ZEB1: variants seen among roughly 807,000 people sequenced by gnomAD.
ZEB1 encodes the protein zinc finger E-box binding homeobox 1.
Under a neutral mutation model 84.9 loss-of-function variants are expected in ZEB1, and 21 were observed. The observed-to-expected ratio is 0.25, with a 90% CI of 0.18 to 0.36. ZEB1 has a LOEUF of 0.36. Ranked by LOEUF, ZEB1 falls within the 10% of genes least tolerant of loss-of-function variation. ZEB1 has a pLI of 1.00. For synonymous variants in ZEB1, 420 were observed against 471.1 expected (o/e 0.89, Z 1.41); for missense variants, 1,104 against 1,330.2 (o/e 0.83, Z 2.65).
rs189111678 is a variant in ZEB1 at position 31,502,421 on chromosome 10, A to G, written c.396A>G (p.Gln132=). The change falls in exon 4 of 9, where the codon CAA becomes CAG. Residue 132 remains glutamine (Q), a synonymous_variant. Coordinates refer to ENST00000424869, the MANE Select transcript of ZEB1 (RefSeq NM_001174096.2). ...NHDPNVEEFL[Q]QQDTAVIFPE... ...ATCCTAATGTTGAAGAGTTTCTACAACAACAAGACACTGCTGTCATTTTTC... is the reference window on the plus strand; with the variant it reads ...ATCCTAATGTTGAAGAGTTTCTACAGCAACAAGACACTGCTGTCATTTTTC... The G allele has an allele frequency of 1.2e-5, 20 of 1,613,968 alleles. No individual in the cohort carries two copies. In the East Asian group the frequency reaches 2.0e-4, roughly 16 times the overall value.
chr10:31,461,745 C>T (rs950613926), intron 2 of ZEB1, among the ~76,000 whole-genome samples: 2 of 151,942 alleles, frequency 1.3e-5, no homozygotes, highest in Admixed American at 6.6e-5. Flanking sequence ...GTGGAAGGAG[C>T]GGTGAAAGTA....
At chr10:31,452,807 A>G (rs925775816) in intron 1 of ZEB1, among the ~76,000 whole-genome samples, 3 of 142,984 alleles carry the variant, frequency 2.1e-5, no homozygotes, top group Admixed American at 1.4e-4. Flanking sequence ...ATGTTAAAGA[A>G]TAATGGATGG....
At chr10:31,443,680 G>C (rs1322890210) in intron 1 of ZEB1, among the ~76,000 whole-genome samples, 4 of 148,820 alleles carry the variant, frequency 2.7e-5, no homozygotes, top group African/African-American at 2.5e-5. Context: ...TTTTGTTCTT[G>C]CGATAGTTTA....
intron 1 of ZEB1, among the ~76,000 whole-genome samples, chr10:31,435,482 T>G (rs567804070): frequency 1.3e-5 from 2 of 152,308 alleles, no homozygotes; most frequent in East Asian, 3.9e-4. Context: ...ATGGATGCTT[T>G]GAAGGAAATA....
At chr10:31,344,315 T>G (rs2039914452) in intron 1 of ZEB1, among the ~76,000 whole-genome samples, 1 of 152,146 alleles carries the variant, frequency 6.6e-6, no homozygotes. Context: ...TAGTATATAT[T>G]AAAAGATTAT....
chr10:31,465,775 G>A (rs2137639161), intron 2 of ZEB1, among the ~76,000 whole-genome samples: 1 of 148,900 alleles, frequency 6.7e-6, no homozygotes, highest in Admixed American at 6.6e-5. Context: ...CACCACATGT[G>A]GCTAATTTAA....
intron 1 of ZEB1, among the ~76,000 whole-genome samples, chr10:31,325,926 A>G (rs1249701472): frequency 7.1e-6 from 1 of 139,982 alleles, no homozygotes; most frequent in Non-Finnish European, 1.5e-5. Context: ...AGGTCTTTGT[A>G]TTCATTTAAT....
chr10:31,324,288 A>G (rs182876058), intron 1 of ZEB1, among the ~76,000 whole-genome samples: 1 of 152,158 alleles, frequency 6.6e-6, no homozygotes, highest in East Asian at 1.9e-4. Context: ...CCTCCTATGT[A>G]GTAGCTTTTG....
At chr10:31,447,951 T>C (rs369005442) in intron 1 of ZEB1, among the ~76,000 whole-genome samples, 5 of 151,844 alleles carry the variant, frequency 3.3e-5, no homozygotes, top group Admixed American at 6.6e-5. Context: ...TGAATCTGAA[T>C]GTTGGCCTGC....
chr10:31,353,634 T>A (rs996762791), intron 1 of ZEB1, among the ~76,000 whole-genome samples: 1 of 152,218 alleles, frequency 6.6e-6, no homozygotes, highest in African/African-American at 2.4e-5. Flanking sequence ...GAGAAAGAAG[T>A]CTAAAGAGAT....
At chr10:31,397,905 A>G (rs1480137970) in intron 1 of ZEB1, among the ~76,000 whole-genome samples, 1 of 152,076 alleles carries the variant, frequency 6.6e-6, no homozygotes, top group African/African-American at 2.4e-5. Flanking sequence ...ATGCTTGTGG[A>G]TAGATATTAT....
intron 1 of ZEB1, among the ~76,000 whole-genome samples, chr10:31,431,638 C>T (rs1458918043): frequency 2.0e-5 from 3 of 152,094 alleles, no homozygotes; most frequent in Non-Finnish European, 4.4e-5. Flanking sequence ...AAAGGCCATA[C>T]AGAAAATAAA....
At chr10:31,450,611 A>C (rs1473919049) in intron 1 of ZEB1, among the ~76,000 whole-genome samples, 3 of 152,184 alleles carry the variant, frequency 2.0e-5, no homozygotes, top group Non-Finnish European at 2.9e-5. Context: ...ACTAATGATG[A>C]AACTAAGCAT....
chr10:31,356,594 C>T (rs183655454), intron 1 of ZEB1, among the ~76,000 whole-genome samples: 22 of 152,164 alleles, frequency 1.4e-4, no homozygotes, highest in Middle Eastern at 6.8e-3. Flanking sequence ...TAAAAGATGC[C>T]GGAGGAAACA....
chr10:31,434,580 C>CT, intron 1 of ZEB1, among the ~76,000 whole-genome samples: 1 of 152,208 alleles, frequency 6.6e-6, no homozygotes, highest in South Asian at 2.1e-4. Context: ...TTAACATAAA[C>CT]TTTTTGAAAC....
intron 6 of ZEB1, among the ~76,000 whole-genome samples, chr10:31,515,212 C>T (rs1187878626): frequency 6.6e-6 from 1 of 152,010 alleles, no homozygotes; most frequent in Admixed American, 6.6e-5. Flanking sequence ...AAAATGTGCT[C>T]ACCCACCATC....
At chr10:31,477,166 A>G (rs945818876) in intron 2 of ZEB1, among the ~76,000 whole-genome samples, 2 of 151,914 alleles carry the variant, frequency 1.3e-5, no homozygotes, top group Non-Finnish European at 2.9e-5. Context: ...AAAATCCTAA[A>G]GACTCCTAGA....
intron 1 of ZEB1, among the ~76,000 whole-genome samples, chr10:31,444,338 A>G (rs1158333307): frequency 2.1e-4 from 31 of 146,712 alleles, no homozygotes; most frequent in African/African-American, 5.0e-5. Flanking sequence ...AGTAGGTTGC[A>G]AAAATTTTCT....
intron 1 of ZEB1, among the ~76,000 whole-genome samples, chr10:31,382,384 A>G (rs1225688521): frequency 6.6e-6 from 1 of 152,168 alleles, no homozygotes; most frequent in African/African-American, 2.4e-5. Context: ...TACTGAACAA[A>G]TAAGCTTGTT....
Sources: allele counts gnomAD v4.1 joint callset (sites outside exome capture counted in the v4.1 genomes callset), GRCh38; gene constraint gnomAD v4.1.1; transcripts MANE v1.5; gene names NCBI Gene and HGNC (gene_info 2026-07-23, HGNC 2026-07-21).